Variants in CTNNA2 observed in about 807,000 individuals in gnomAD.
CTNNA2 encodes the protein catenin alpha-2.
In CTNNA2, 42 loss-of-function variants were observed where a neutral mutation model predicts 101.0. That is an observed-to-expected ratio of 0.42 (90% CI 0.32 to 0.54). The LOEUF (loss-of-function observed/expected upper bound fraction) is 0.54. CTNNA2 is among the 20% of genes least tolerant of loss of function. The probability of loss-of-function intolerance (pLI) is 0.14; values close to 1 mark genes in which losing one functional copy is unlikely to be tolerated. For synonymous variants in CTNNA2, 450 were observed against 456.4 expected, an observed-to-expected ratio of 0.99 and a Z score of 0.18; for missense variants, 871 against 1,223.1, an observed-to-expected ratio of 0.71 and a Z score of 4.29.
chr2:80,335,622 A>C (rs1178476262), intron 7 of CTNNA2, among the ~76,000 whole-genome samples: 1 of 152,194 alleles, frequency 6.6e-6, no homozygotes, highest in Non-Finnish European at 1.5e-5. Context: ...TTCTGGCATC[A>C]GTACTTGGCA....
At chr2:79,648,117 C>A (rs191423010) in intron 1 of CTNNA2, among the ~76,000 whole-genome samples, 8 of 152,282 alleles carry the variant, frequency 5.3e-5, no homozygotes, top group Non-Finnish European at 1.2e-4. Flanking sequence ...CTCCAATCTA[C>A]CTCAAATGCC....
intron 7 of CTNNA2, among the ~76,000 whole-genome samples, chr2:80,342,206 A>G (rs1672308581): frequency 6.6e-6 from 1 of 152,160 alleles, no homozygotes; most frequent in African/African-American, 2.4e-5. Flanking sequence ...TGGTTGCACA[A>G]CTCTGAACTC....
chr2:79,823,432 C>T (rs148599773), intron 3 of CTNNA2, among the ~76,000 whole-genome samples: 3,919 of 152,074 alleles, frequency 0.026, 141 homozygotes, highest in African/African-American at 0.074. Flanking sequence ...GTGGGAGAAT[C>T]GCTTGAGCCT....
intron 2 of CTNNA2, among the ~76,000 whole-genome samples, chr2:79,290,306 C>T (rs558443353): frequency 2.9e-4 from 44 of 152,114 alleles, no homozygotes; most frequent in Non-Finnish European, 5.9e-4. Context: ...AGCACAGAAG[C>T]CCCTGGAGCA....
At chr2:79,342,144 A>G (rs1051775540) in intron 3 of CTNNA2, among the ~76,000 whole-genome samples, 1 of 152,232 alleles carries the variant, frequency 6.6e-6, no homozygotes, top group African/African-American at 2.4e-5. Flanking sequence ...AATATATAGC[A>G]TATCTCATCA....
At chr2:79,234,940 T>G (rs1674537920) in intron 2 of CTNNA2, among the ~76,000 whole-genome samples, 1 of 152,212 alleles carries the variant, frequency 6.6e-6, no homozygotes, top group Non-Finnish European at 1.5e-5. Flanking sequence ...ATTGTTTTAC[T>G]GGATTCCTTG....
intron 3 of CTNNA2, among the ~76,000 whole-genome samples, chr2:79,817,225 G>A (rs1009511426): frequency 6.6e-6 from 1 of 150,550 alleles, no homozygotes; most frequent in African/African-American, 2.4e-5. Context: ...TGTGATGTGA[G>A]GTCATCTCTT....
intron 7 of CTNNA2, among the ~76,000 whole-genome samples, chr2:80,154,281 A>G (rs2148933252): frequency 6.6e-6 from 1 of 152,216 alleles, no homozygotes; most frequent in Middle Eastern, 3.4e-3. Context: ...GGCATCTCAG[A>G]AGGGCCTCTA....
chr2:80,639,752 A>G (rs1023997304), intron 18 of CTNNA2, among the ~76,000 whole-genome samples: 1 of 152,202 alleles, frequency 6.6e-6, no homozygotes, highest in African/African-American at 2.4e-5. Context: ...AAAGTGCACA[A>G]TATGTCTGTA....
intron 2 of CTNNA2, among the ~76,000 whole-genome samples, chr2:79,290,077 A>G (rs539975611): frequency 1.7e-4 from 26 of 152,304 alleles, no homozygotes; most frequent in African/African-American, 5.5e-4. Context: ...GTGCATTTGC[A>G]TGACCCTAAG....
At chr2:79,799,795 A>T (rs1193529592) in intron 3 of CTNNA2, among the ~76,000 whole-genome samples, 3 of 152,298 alleles carry the variant, frequency 2.0e-5, no homozygotes, top group African/African-American at 7.2e-5. Context: ...CCACAGGGTT[A>T]TGGTAGTGAT....
intron 7 of CTNNA2, among the ~76,000 whole-genome samples, chr2:80,284,758 C>T (rs1674627467): frequency 1.3e-5 from 2 of 152,194 alleles, no homozygotes; most frequent in East Asian, 3.9e-4. Context: ...TTGAGCTTTC[C>T]ACACATTCCT....
In CTNNA2 at chr2:79,968,403, A is replaced by C. The variant is rs1053336171; in HGVS notation, c.1056+58606A>C. ...CATTAAATAGTTTTAAAATAGGCTG[A>C]GTGCAGTGGTGGCTATGAACCCAGG... On this transcript the variant is annotated intron_variant, in intron 7 of 18. Transcript: ENST00000402739. Among the ~76,000 whole-genome samples the C allele has an allele frequency of 2.4e-4, 37 of 152,154 alleles. 1 individual carries two copies. The highest frequency in any genetic ancestry group is 8.0e-4 in the African/African-American group (33 of 41,440).
At chr2:79,517,158 G>C (rs1413692595) in intron 1 of CTNNA2, among the ~76,000 whole-genome samples, 1 of 152,028 alleles carries the variant, frequency 6.6e-6, no homozygotes, top group African/African-American at 2.4e-5. Context: ...TACATCTGTT[G>C]GCATACCTTT....
intron 7 of CTNNA2, among the ~76,000 whole-genome samples, chr2:80,092,973 T>A (rs2148823332): frequency 6.6e-6 from 1 of 152,192 alleles, no homozygotes; most frequent in East Asian, 1.9e-4. Context: ...TGTTTTAAGT[T>A]ATTCTTGAAA....
At chr2:79,904,829 T>C (rs1685311645) in intron 6 of CTNNA2, among the ~76,000 whole-genome samples, 1 of 152,228 alleles carries the variant, frequency 6.6e-6, no homozygotes, top group South Asian at 2.1e-4. Flanking sequence ...ACATAGCTTT[T>C]TGTGGAGACA....
At chr2:80,161,296 G>A (rs879756172) in intron 7 of CTNNA2, among the ~76,000 whole-genome samples, 12 of 152,040 alleles carry the variant, frequency 7.9e-5, no homozygotes, top group Non-Finnish European at 1.0e-4. Context: ...GATTACAGGC[G>A]TGAGCCCCCA....
At chr2:80,439,244 G>A (rs781427367) in intron 9 of CTNNA2, among the ~76,000 whole-genome samples, 12 of 151,994 alleles carry the variant, frequency 7.9e-5, no homozygotes, top group Non-Finnish European at 1.3e-4. Context: ...AAAGACCGTC[G>A]GGAAAAATTC....
intron 3 of CTNNA2, among the ~76,000 whole-genome samples, chr2:79,817,882 T>C (rs1267222159): frequency 3.3e-5 from 5 of 152,326 alleles, no homozygotes; most frequent in Admixed American, 6.5e-5. Flanking sequence ...CTTCCAATTA[T>C]ATTGCACCAT....
Sources: allele counts gnomAD v4.1 joint callset (sites outside exome capture counted in the v4.1 genomes callset), GRCh38; gene constraint gnomAD v4.1.1; transcripts MANE v1.5; gene names NCBI Gene and HGNC (gene_info 2026-07-23, HGNC 2026-07-21).